ROBO1: variants seen among roughly 807,000 people sequenced by gnomAD.
ROBO1 encodes the protein roundabout homolog 1.
In ROBO1, 149 loss-of-function variants were observed where a neutral mutation model predicts 195.9. The observed-to-expected ratio is 0.76, with a 90% CI of 0.67 to 0.87. The LOEUF is 0.87. Among genes scored for constraint, ROBO1 ranks in the 40% least tolerant of loss-of-function variants. The probability of loss-of-function intolerance (pLI) is 0.00; values close to 1 mark genes in which losing one functional copy is unlikely to be tolerated. For missense variants in ROBO1, 1,933 were observed against 2,068.3 expected (o/e 0.93, Z 1.27); for synonymous variants, 816 against 733.2 (o/e 1.11, Z -1.82).
At chr3:79,551,707 T>G (rs1017689665) in intron 2 of ROBO1, among the ~76,000 whole-genome samples, 1 of 152,098 alleles carries the variant, frequency 6.6e-6, no homozygotes, top group East Asian at 1.9e-4. Flanking sequence ...TCCTAGTGAC[T>G]GTGATATCCC....
chr3:79,274,486 G>A (rs956128523), intron 2 of ROBO1, among the ~76,000 whole-genome samples: 1 of 151,572 alleles, frequency 6.6e-6, no homozygotes, highest in African/African-American at 2.4e-5. Flanking sequence ...AAAACCTACG[G>A]GATACAGCAA....
intron 2 of ROBO1, among the ~76,000 whole-genome samples, chr3:79,525,853 G>A (rs922676506): frequency 2.0e-5 from 3 of 151,790 alleles, no homozygotes; most frequent in East Asian, 1.9e-4. Flanking sequence ...CTCGTGTTCC[G>A]CCTGCCTCAG....
At chr3:79,040,589 A>G (rs912345770) in intron 3 of ROBO1, among the ~76,000 whole-genome samples, 4 of 152,132 alleles carry the variant, frequency 2.6e-5, no homozygotes, top group Non-Finnish European at 5.9e-5. Flanking sequence ...CGTTTTGACT[A>G]TTACTCATAT....
chr3:79,294,691 A>T (rs557415416), intron 2 of ROBO1, among the ~76,000 whole-genome samples: 2 of 152,334 alleles, frequency 1.3e-5, no homozygotes, highest in African/African-American at 4.8e-5. Flanking sequence ...AATTTTTGCA[A>T]TCTATCCATC....
At chr3:79,548,038 C>T (rs143851995) in intron 2 of ROBO1, among the ~76,000 whole-genome samples, 7 of 152,178 alleles carry the variant, frequency 4.6e-5, no homozygotes, top group Non-Finnish European at 7.4e-5. Flanking sequence ...TGTCAGGTGT[C>T]GGGTGTGTGC....
At chr3:78,745,306 CAAAAAAAAA>C in intron 5 of ROBO1, among the ~76,000 whole-genome samples, 1 of 71,182 alleles carries the variant, frequency 1.4e-5, no homozygotes, top group Non-Finnish European at 3.5e-5. Context: ...GACTCCATTT[CAAAAAAAAA>C]AAAAAAAAAA....
chr3:79,469,201 AGAGT>A (rs1040051003), intron 2 of ROBO1, among the ~76,000 whole-genome samples: 14 of 152,326 alleles, frequency 9.2e-5, no homozygotes, highest in African/African-American at 3.4e-4. Flanking sequence ...GAAAGACTAA[AGAGT>A]GAGTATGTAA....
At chr3:78,627,216 G>A (rs1325816761) in intron 26 of ROBO1, 105 bp downstream of exon 26, 2 of 1,269,940 alleles carry the variant, frequency 1.6e-6, no homozygotes, top group East Asian at 5.1e-5. Flanking sequence ...TGCCAGAAAA[G>A]GCTTATGAGA....
intron 8 of ROBO1, among the ~76,000 whole-genome samples, chr3:78,713,421 G>C (rs912352957): frequency 2.6e-5 from 4 of 152,122 alleles, no homozygotes; most frequent in Admixed American, 1.3e-4. Context: ...GCTAATGTTA[G>C]ACCCCAAAAC....
intron 2 of ROBO1, among the ~76,000 whole-genome samples, chr3:79,266,386 A>C (rs1248218105): frequency 6.6e-6 from 1 of 151,662 alleles, no homozygotes; most frequent in Non-Finnish European, 1.5e-5. Flanking sequence ...AATTACAAAT[A>C]TTGAAAGTTT....
intron 1 of ROBO1, among the ~76,000 whole-genome samples, chr3:79,749,327 A>G (rs1324339027): frequency 6.6e-6 from 1 of 152,242 alleles, no homozygotes; most frequent in Admixed American, 6.5e-5. Context: ...AAAAGCATTC[A>G]GTTTTATAAC....
At chr3:79,220,791 A>C (rs1414278106) in intron 2 of ROBO1, among the ~76,000 whole-genome samples, 3 of 152,070 alleles carry the variant, frequency 2.0e-5, no homozygotes, top group Non-Finnish European at 4.4e-5. Context: ...TAGGTAATTG[A>C]CAAATTTTCA....
At chr3:79,576,108 A>T (rs1943477226) in intron 2 of ROBO1, among the ~76,000 whole-genome samples, 1 of 151,972 alleles carries the variant, frequency 6.6e-6, no homozygotes. Flanking sequence ...GTATCACCTG[A>T]CATTATACAT....
chr3:78,765,575 G>A (rs1559831476), intron 4 of ROBO1, among the ~76,000 whole-genome samples: 1 of 151,934 alleles, frequency 6.6e-6, no homozygotes, highest in Non-Finnish European at 1.5e-5. Flanking sequence ...CCCACAAAGA[G>A]GGAAACAAAA....
intron 4 of ROBO1, among the ~76,000 whole-genome samples, chr3:78,860,180 T>TAGAC (rs1390953679): frequency 2.0e-5 from 3 of 150,682 alleles, no homozygotes; most frequent in Middle Eastern, 3.5e-3. Context: ...GATAGATAGA[T>TAGAC]AGATGATAGA....
chr3:78,630,442 CTG>C (rs1705113255), intron 25 of ROBO1, among the ~76,000 whole-genome samples: 1 of 152,154 alleles, frequency 6.6e-6, no homozygotes, highest in Non-Finnish European at 1.5e-5. Flanking sequence ...ATACACTTCT[CTG>C]TGTGTGGAGA....
At chr3:78,804,173 T>G (rs2084458315) in intron 4 of ROBO1, among the ~76,000 whole-genome samples, 1 of 152,184 alleles carries the variant, frequency 6.6e-6, no homozygotes, top group South Asian at 2.1e-4. Context: ...CACAAATAAT[T>G]GCATTCAGAT....
In ROBO1 at chr3:79,321,310, A is replaced by G. The variant is rs2033972289; in HGVS notation, c.89-195771T>C. On this transcript the variant is annotated intron_variant, in intron 2 of 30. Coordinates refer to ENST00000464233, the MANE Select transcript of ROBO1 (RefSeq NM_002941.4). ...TTTCTTATGAATTTAGATTATCTCT[A>G]AAATGCCTAAGTGATTAGTAACAAT... 2.0e-5 allele frequency among the ~76,000 whole-genome samples: 3 copies of G among 152,152 alleles called. No individual in the cohort carries two copies. The South Asian group carries it at 6.2e-4, about 32-fold the overall frequency.
chr3:79,241,349 C>T (rs2082513870), intron 2 of ROBO1, among the ~76,000 whole-genome samples: 1 of 152,106 alleles, frequency 6.6e-6, no homozygotes, highest in Admixed American at 6.5e-5. Flanking sequence ...GATTGCCATA[C>T]ATTCATTTAT....
Sources: allele counts gnomAD v4.1 joint callset (sites outside exome capture counted in the v4.1 genomes callset), GRCh38; gene constraint gnomAD v4.1.1; transcripts MANE v1.5; gene names NCBI Gene and HGNC (gene_info 2026-07-23, HGNC 2026-07-21).